The following LPP variants were observed in gnomAD, a reference collection of about 807,000 sequenced individuals.
LPP encodes LIM domain containing preferred translocation partner in lipoma.
Under a neutral mutation model 60.4 loss-of-function variants are expected in LPP, and 38 were observed. The observed-to-expected ratio is 0.63, with a 90% CI of 0.49 to 0.83. The LOEUF is 0.83. Ranked by LOEUF, LPP falls within the 40% of genes least tolerant of loss-of-function variation. The probability of loss-of-function intolerance (pLI) is 0.00; values close to 1 mark genes in which losing one functional copy is unlikely to be tolerated. For synonymous variants in LPP, 328 were observed against 290.8 expected (o/e 1.13, Z -1.30); for missense variants, 902 against 783.6 (o/e 1.15, Z -1.80).
At chr3:188,468,904 A>G (rs547017427) in intron 4 of LPP, among the ~76,000 whole-genome samples, 1 of 152,254 alleles carries the variant, frequency 6.6e-6, no homozygotes, top group South Asian at 2.1e-4. Context: ...TCACTCAGCT[A>G]AATTATGTCT....
At chr3:188,647,806 C>T (rs1054450318) in intron 7 of LPP, among the ~76,000 whole-genome samples, 1 of 152,142 alleles carries the variant, frequency 6.6e-6, no homozygotes, top group African/African-American at 2.4e-5. Context: ...TCTGCTCTAT[C>T]GTGGCTACTT....
chr3:188,373,683 T>C (rs1240178779), intron 3 of LPP, among the ~76,000 whole-genome samples: 1 of 152,158 alleles, frequency 6.6e-6, no homozygotes, highest in Non-Finnish European at 1.5e-5. Context: ...TGGTAGTTTC[T>C]TTTGCTGTGC....
At chr3:188,743,485 C>G (rs2150205391) in intron 8 of LPP, among the ~76,000 whole-genome samples, 1 of 151,962 alleles carries the variant, frequency 6.6e-6, no homozygotes, top group East Asian at 1.9e-4. Flanking sequence ...GCCAGGAACA[C>G]CAGCCAAGCC....
chr3:188,618,764 T>C (rs1845302045), intron 7 of LPP, among the ~76,000 whole-genome samples: 2 of 152,234 alleles, frequency 1.3e-5, no homozygotes, highest in Admixed American at 1.3e-4. Context: ...AGAGGTCCCT[T>C]GTTATTCAGT....
At chr3:188,605,955 A>G (rs760987112) in intron 6 of LPP, among the ~76,000 whole-genome samples, 8 of 152,164 alleles carry the variant, frequency 5.3e-5, no homozygotes, top group Non-Finnish European at 1.0e-4. Flanking sequence ...TGTCACAATG[A>G]CTGGAGGACA....
chr3:188,307,321 C>T (rs535854243), intron 2 of LPP, among the ~76,000 whole-genome samples: 1 of 152,114 alleles, frequency 6.6e-6, no homozygotes, highest in Non-Finnish European at 1.5e-5. Context: ...GAATGATTGG[C>T]GTGCCCTTAA....
chr3:188,841,924 C>T lies in LPP; in HGVS notation c.1411-24276C>T, dbSNP rs115195406. 3.0e-3 allele frequency among the ~76,000 whole-genome samples: 460 copies of T among 152,250 alleles called. 1 individual carries two copies. Among genetic ancestry groups the T allele is most frequent in the Non-Finnish European group, 5.7e-3 (389 of 68,022 alleles). Reference sequence around the variant, plus strand: ...GCTGAGACTTTGCTGAAGTTACCCACCAGCTTAAGGAGATTTTGGGCTGAG... The same window carrying T: ...GCTGAGACTTTGCTGAAGTTACCCATCAGCTTAAGGAGATTTTGGGCTGAG... On this transcript the variant is annotated intron_variant, in intron 9 of 11. Transcript: ENST00000617246.
At chr3:188,241,276 C>T (rs553422212) in intron 2 of LPP, among the ~76,000 whole-genome samples, 6 of 152,198 alleles carry the variant, frequency 3.9e-5, no homozygotes, top group Non-Finnish European at 7.3e-5. Flanking sequence ...ACATGCTGTA[C>T]GTTTCTCCAG....
chr3:188,625,805 T>C (rs979175327), intron 7 of LPP, among the ~76,000 whole-genome samples: 2 of 152,174 alleles, frequency 1.3e-5, no homozygotes, highest in Admixed American at 6.6e-5. Context: ...AGTGACTCCA[T>C]AGATGATAAG....
intron 3 of LPP, among the ~76,000 whole-genome samples, chr3:188,368,918 A>T (rs1024835882): frequency 7.2e-5 from 11 of 152,072 alleles, no homozygotes; most frequent in African/African-American, 2.4e-4. Flanking sequence ...TGTGAAAGAG[A>T]GGGTCACCCG....
intron 4 of LPP, among the ~76,000 whole-genome samples, chr3:188,412,268 G>A (rs1263804286): frequency 6.6e-6 from 1 of 152,138 alleles, no homozygotes; most frequent in East Asian, 1.9e-4. Context: ...GAGTATACAA[G>A]AGGAGACATT....
At chr3:188,227,443 A>G (rs1177744376) in intron 2 of LPP, among the ~76,000 whole-genome samples, 2 of 149,456 alleles carry the variant, frequency 1.3e-5, no homozygotes, top group East Asian at 4.0e-4. Context: ...GAGTCTTAGA[A>G]GTTTTTGTTG....
At chr3:188,757,162 G>T (rs1461010295) in intron 8 of LPP, among the ~76,000 whole-genome samples, 2 of 152,148 alleles carry the variant, frequency 1.3e-5, no homozygotes, top group Non-Finnish European at 2.9e-5. Context: ...CTTCTAAGAC[G>T]TGTTACATGC....
intron 7 of LPP, among the ~76,000 whole-genome samples, chr3:188,668,985 C>T (rs1202537513): frequency 1.3e-5 from 2 of 152,018 alleles, no homozygotes; most frequent in Non-Finnish European, 2.9e-5. Flanking sequence ...ATTGAATGAT[C>T]ATTATTTGTA....
At chr3:188,575,494 A>G (rs7613504) in intron 6 of LPP, among the ~76,000 whole-genome samples, 2,596 of 152,248 alleles carry the variant, frequency 0.017, 71 homozygotes, top group African/African-American at 0.059. Context: ...AGAGAAGTTA[A>G]ATATTTTTTT....
At position 188,831,540 on chromosome 3, in the gene LPP, G is replaced by A. The variant is rs184277147; in HGVS notation, c.1411-34660G>A. 2.4e-3 allele frequency among the ~76,000 whole-genome samples: 368 copies of A among 152,286 alleles called. 2 individuals are homozygous for A. The highest frequency in any genetic ancestry group is 8.6e-3 in the African/African-American group (357 of 41,558). On this transcript the variant is annotated intron_variant, in intron 9 of 11. Transcript: ENST00000617246. Reference sequence around the variant, plus strand: ...GCATATAACAAGGATACACTTTCAAGGCAGGGAGCCTGGAGGACAAGGAGA... The same window carrying A: ...GCATATAACAAGGATACACTTTCAAAGCAGGGAGCCTGGAGGACAAGGAGA...
chr3:188,290,842 G>GT (rs1491295618), intron 2 of LPP, among the ~76,000 whole-genome samples: 3 of 150,610 alleles, frequency 2.0e-5, no homozygotes, highest in East Asian at 3.9e-4. Context: ...TGGCCTGCTG[G>GT]TTGGTATTTT....
At chr3:188,797,115 CCCT>C (rs4011849) in intron 9 of LPP, among the ~76,000 whole-genome samples, 16 of 149,764 alleles carry the variant, frequency 1.1e-4, no homozygotes, top group African/African-American at 3.2e-4. Context: ...AGCTCTTTTC[CCCT>C]CCTCCTCCTC....
chr3:188,808,931 T>C (rs1750019862), intron 9 of LPP, among the ~76,000 whole-genome samples: 1 of 152,120 alleles, frequency 6.6e-6, no homozygotes, highest in Admixed American at 6.5e-5. Flanking sequence ...GAACATGCAG[T>C]GTTTGGTTTT....
Sources: gnomAD v4.1 joint callset for allele counts (sites outside exome capture counted in the v4.1 genomes callset) on GRCh38, gnomAD v4.1.1 for gene constraint, MANE v1.5 for transcripts, NCBI Gene and HGNC (gene_info 2026-07-23, HGNC 2026-07-21) for gene names.